TRAF5: variants seen among roughly 807,000 people sequenced by gnomAD.
TRAF5 encodes TNF receptor-associated factor 5.
TRAF5 carries 48 observed loss-of-function variants against 64.5 expected under a neutral mutation model. The ratio of observed to expected loss-of-function variants is 0.74; its 90% CI spans 0.59 to 0.95. The LOEUF is 0.95. Ranked by LOEUF, TRAF5 falls within the 40% of genes least tolerant of loss-of-function variation. The pLI, the probability that TRAF5 is intolerant of heterozygous loss-of-function variation, is 0.00. For missense variants in TRAF5, 545 were observed against 662.8 expected (o/e 0.82, Z 1.95); for synonymous variants, 206 against 240.5 (o/e 0.86, Z 1.33).
chr1:211,360,304 T>C, intron 5 of TRAF5: 1 of 542,386 alleles, frequency 1.8e-6, no homozygotes, highest in Non-Finnish European at 3.3e-6. Context: ...ACATGCTGTG[T>C]ATGTGTAATG....
chr1:211,367,543 C>A (rs771300293), intron 8 of TRAF5, among the ~76,000 whole-genome samples: 1 of 152,158 alleles, frequency 6.6e-6, no homozygotes, highest in Non-Finnish European at 1.5e-5. Context: ...GGTGAAGGCT[C>A]AACCAAGTCC....
intron 7 of TRAF5, among the ~76,000 whole-genome samples, chr1:211,362,098 GTATATCAC>G (rs920105789): frequency 3.9e-5 from 6 of 151,908 alleles, no homozygotes; most frequent in African/African-American, 1.2e-4. Flanking sequence ...ATATACTCTT[GTATATCAC>G]CAAGTATACT....
chr1:211,334,506 A>C (rs1432798999), intron 1 of TRAF5, among the ~76,000 whole-genome samples: 1 of 152,118 alleles, frequency 6.6e-6, no homozygotes, highest in Non-Finnish European at 1.5e-5. Flanking sequence ...AAAATACAAA[A>C]AATTAGCCGG....
chr1:211,371,984 A>G, intron 10 of TRAF5, 144 bp from the exon 11 acceptor site: 3 of 714,588 alleles, frequency 4.2e-6, no homozygotes, highest in Non-Finnish European at 6.8e-6. Flanking sequence ...AGTTAATATT[A>G]CTACAACAAA....
At chr1:211,352,021 G>A (rs1037003157) in intron 1 of TRAF5, among the ~76,000 whole-genome samples, 3 of 152,098 alleles carry the variant, frequency 2.0e-5, no homozygotes, top group African/African-American at 7.2e-5. Context: ...TTGGGAGGCT[G>A]AGCCACAAAG....
At chr1:211,335,688 CA>C (rs1469708287) in intron 1 of TRAF5, among the ~76,000 whole-genome samples, 3 of 151,986 alleles carry the variant, frequency 2.0e-5, no homozygotes, top group African/African-American at 7.3e-5. Context: ...TTTAGCTCAG[CA>C]AGAGGTGGGG....
At chr1:211,367,181 G>A (rs1179307421) in intron 8 of TRAF5, among the ~76,000 whole-genome samples, 2 of 152,094 alleles carry the variant, frequency 1.3e-5, no homozygotes, top group African/African-American at 4.8e-5. Context: ...ACAGGGTTTT[G>A]CCATGTTGTC....
intron 8 of TRAF5, 50 bp downstream of exon 8, chr1:211,365,518 A>T: frequency 1.4e-6 from 2 of 1,424,552 alleles, no homozygotes; most frequent in Non-Finnish European, 2.0e-6. Flanking sequence ...AATTGCTGGG[A>T]TTTACCTGCT....
chr1:211,327,568 C>T (rs1702054975), intron 1 of TRAF5, among the ~76,000 whole-genome samples: 1 of 152,042 alleles, frequency 6.6e-6, no homozygotes, highest in Non-Finnish European at 1.5e-5. Context: ...CTGAGTTCTC[C>T]GTACCAGATG....
intron 4 of TRAF5, chr1:211,359,661 C>T (rs1703107532): frequency 4.6e-6 from 2 of 437,904 alleles, no homozygotes; most frequent in Non-Finnish European, 8.2e-6. Flanking sequence ...CACCTATCTT[C>T]CCCTGTCCTC....
At chr1:211,353,714 A>G in intron 2 of TRAF5, 1 of 490,456 alleles carries the variant, frequency 2.0e-6, no homozygotes. Context: ...ACCTAGACAC[A>G]CACTCCATCA....
Position 211,353,493 on chromosome 1 carries a change from G to A in TRAF5, c.218+36G>A, listed in dbSNP as rs368107235. ...AGGGCCTGCAACTCTGGCCATGGCAGTCCTAGCATCCAGGTGGCAACTGTG... is the reference window on the plus strand; with the variant it reads ...AGGGCCTGCAACTCTGGCCATGGCAATCCTAGCATCCAGGTGGCAACTGTG... On this transcript the variant is annotated intron_variant, in intron 2 of 10. Coordinates refer to ENST00000261464, the MANE Select transcript of TRAF5 (RefSeq NM_001033910.3). The A allele has an allele frequency of 1.9e-6, 3 of 1,583,778 alleles. No individual in the cohort carries two copies. The African/African-American group carries it at 4.0e-5, about 21-fold the overall frequency.
At chr1:211,370,001 A>G (rs1703472631) in intron 9 of TRAF5, among the ~76,000 whole-genome samples, 1 of 152,182 alleles carries the variant, frequency 6.6e-6, no homozygotes, top group Non-Finnish European at 1.5e-5. Context: ...AGTAACTTTA[A>G]CATTGATACA....
chr1:211,360,057 T>C lies in TRAF5; in HGVS notation c.524T>C (p.Val175Ala). 2.5e-6 allele frequency: 4 copies of C among 1,614,158 alleles called. No homozygotes were observed. Among genetic ancestry groups the C allele is most frequent in the Non-Finnish European group, 3.4e-6 (4 of 1,179,998 alleles). The change falls in exon 5 of 11, where the codon GTG (valine) becomes GCG (alanine). Residue 175 changes from valine to alanine, a missense_variant. Transcript: ENST00000261464. ...AAATGCCTTTATTGCAAAAAGGATG[T>C]GGTAGTCATCAATCTACAGGTGAAA... The part of the protein sequence containing the change: ...KEKCLYCKKD[V>A]VVINLQNHEE...
At chr1:211,350,908 G>A (rs905663550) in intron 1 of TRAF5, among the ~76,000 whole-genome samples, 51 of 151,956 alleles carry the variant, frequency 3.4e-4, no homozygotes, top group African/African-American at 1.2e-3. Context: ...AGGAGGTCTC[G>A]CCATGTTGCC....
chr1:211,336,980 C>T (rs1702315042), intron 1 of TRAF5, among the ~76,000 whole-genome samples: 2 of 152,038 alleles, frequency 1.3e-5, no homozygotes, highest in Admixed American at 6.6e-5. Flanking sequence ...GATCCGCTCG[C>T]CTCGGCCTTC....
chr1:211,361,817 C>A (rs1703195260), intron 7 of TRAF5, among the ~76,000 whole-genome samples: 2 of 151,152 alleles, frequency 1.3e-5, no homozygotes, highest in African/African-American at 4.9e-5. Flanking sequence ...CTGCCTCGGC[C>A]TCCTGAGTAG....
chr1:211,354,387 T>C, intron 2 of TRAF5, 23 bp from the exon 3 acceptor site: 1 of 1,612,926 alleles, frequency 6.2e-7, no homozygotes, highest in Non-Finnish European at 8.5e-7. Flanking sequence ...TAACTCTGGC[T>C]CCATTTTAAT....
chr1:211,370,018 C>T (rs1285545304), intron 9 of TRAF5, among the ~76,000 whole-genome samples: 1 of 152,154 alleles, frequency 6.6e-6, no homozygotes, highest in Non-Finnish European at 1.5e-5. Flanking sequence ...TACAATGCTT[C>T]TATATAATTT....
Sources: gnomAD v4.1 joint callset for allele counts (sites outside exome capture counted in the v4.1 genomes callset) on GRCh38, gnomAD v4.1.1 for gene constraint, MANE v1.5 for transcripts, NCBI Gene and HGNC (gene_info 2026-07-23, HGNC 2026-07-21) for gene names.